Variants in FARP1 observed in about 807,000 individuals in gnomAD.
FARP1 encodes the protein FERM, ARHGEF and pleckstrin domain-containing protein 1.
FARP1 carries 52 observed loss-of-function variants against 128.8 expected under a neutral mutation model. That is an observed-to-expected ratio of 0.40 (90% CI 0.32 to 0.51). The LOEUF is 0.51. FARP1 is among the 20% of genes least tolerant of loss of function. The probability of loss-of-function intolerance (pLI) is 0.45; values close to 1 mark genes in which losing one functional copy is unlikely to be tolerated. For missense variants in FARP1, 1,333 were observed against 1,367.9 expected (o/e 0.97, Z 0.40); for synonymous variants, 580 against 551.8 (o/e 1.05, Z -0.72).
chr13:98,185,660 T>G (rs1290864616), intron 1 of FARP1, among the ~76,000 whole-genome samples: 1 of 139,836 alleles, frequency 7.2e-6, no homozygotes, highest in African/African-American at 2.6e-5. Flanking sequence ...TTTTTTTTTT[T>G]GGCTGTGGTG....
intron 2 of FARP1, among the ~76,000 whole-genome samples, chr13:98,309,292 G>T (rs1477529325): frequency 1.4e-5 from 2 of 146,354 alleles, no homozygotes; most frequent in South Asian, 2.2e-4. Context: ...TCAGCCTCCC[G>T]AGTAGCTGGG....
At chr13:98,290,745 T>C (rs1885410931) in intron 2 of FARP1, among the ~76,000 whole-genome samples, 1 of 152,122 alleles carries the variant, frequency 6.6e-6, no homozygotes, top group Non-Finnish European at 1.5e-5. Context: ...TCCAGCTACA[T>C]TTTGACAGTA....
chr13:98,153,600 G>A (rs1876290422), intron 1 of FARP1, among the ~76,000 whole-genome samples: 1 of 69,392 alleles, frequency 1.4e-5, no homozygotes, highest in Non-Finnish European at 3.9e-5. Flanking sequence ...CTCTTGCTTT[G>A]TTGCTCAGGC....
At chr13:98,366,139 G>C (rs182800886) in intron 4 of FARP1, among the ~76,000 whole-genome samples, 78 of 152,252 alleles carry the variant, frequency 5.1e-4, no homozygotes, top group Non-Finnish European at 1.0e-3. Context: ...AATGTAGTCA[G>C]AGTCTGGACA....
At position 98,237,625 on chromosome 13, in the gene FARP1, T is replaced by A. The variant is rs180942572; in HGVS notation, c.171+24212T>A. 2.0e-3 allele frequency among the ~76,000 whole-genome samples: 304 copies of A among 152,320 alleles called. 1 individual carries two copies. Among genetic ancestry groups the A allele is most frequent in the South Asian group, 4.8e-3 (23 of 4,822 alleles). On this transcript the variant is annotated intron_variant, in intron 2 of 26. Transcript: ENST00000319562. The stretch of plus-strand genomic sequence containing the variant: ...GTTCTTGCGTATTTTTTCATCACAT[T>A]TAGTGCAATACTGTAAACTTTGAAT...
intron 2 of FARP1, among the ~76,000 whole-genome samples, chr13:98,269,141 T>C (rs1360122284): frequency 1.3e-5 from 2 of 152,302 alleles, no homozygotes; most frequent in East Asian, 1.9e-4. Flanking sequence ...ATTAAAATTA[T>C]GGTAAAATGA....
chr13:98,364,951 G>A (rs984093001), intron 3 of FARP1, among the ~76,000 whole-genome samples: 2 of 152,168 alleles, frequency 1.3e-5, no homozygotes, highest in African/African-American at 4.8e-5. Context: ...TGCAGAGGTG[G>A]TGTTCTGTAA....
Position 98,388,447 on chromosome 13 carries a change from G to A in FARP1, c.824G>A (p.Arg275His), listed in dbSNP as rs772094490. ...CGGAAGCTGAGCTTCAAGAGGAAGC[G>A]CTTTCTCATCAAGCTCCGGCCAGAT... ...KVRKLSFKRK[R>H]FLIKLRPDAN... Residue 275 changes from arginine (R) to histidine (H), a missense_variant, in exon 9 of 27, where the codon CGC becomes CAC. This residue lies in a region of FARP1 where 324 missense variants were observed against 398.1 expected (regional missense o/e 0.81). Transcript: ENST00000319562. 3.7e-6 allele frequency: 6 copies of A among 1,613,944 alleles called. No homozygotes were observed. The South Asian group carries it at 4.4e-5, about 12-fold the overall frequency.
intron 26 of FARP1, 91 bp downstream of exon 26, chr13:98,446,908 GCCCCA>G: frequency 7.3e-7 from 1 of 1,376,612 alleles, no homozygotes; most frequent in Non-Finnish European, 1.0e-6. Flanking sequence ...GAGTGAGATG[GCCCCA>G]CCCTTCCCTG....
At chr13:98,338,805 T>C (rs1228819214) in intron 2 of FARP1, 1 of 152,184 alleles carries the variant, frequency 6.6e-6, no homozygotes, top group Non-Finnish European at 1.5e-5. Flanking sequence ...AGAGTGAAGT[T>C]CAAAAACTCA....
At chr13:98,422,289 C>G (rs946677179) in intron 16 of FARP1, among the ~76,000 whole-genome samples, 2 of 150,824 alleles carry the variant, frequency 1.3e-5, no homozygotes, top group Non-Finnish European at 3.0e-5. Flanking sequence ...GAGGTGGGCT[C>G]TGGTGGTTCA....
At chr13:98,344,308 C>T (rs1318130074) in intron 3 of FARP1, among the ~76,000 whole-genome samples, 1 of 152,020 alleles carries the variant, frequency 6.6e-6, no homozygotes, top group African/African-American at 2.4e-5. Context: ...CTGGCAGGAG[C>T]TGGATGGATT....
At chr13:98,317,323 G>A (rs997888202) in intron 2 of FARP1, among the ~76,000 whole-genome samples, 1 of 152,068 alleles carries the variant, frequency 6.6e-6, no homozygotes, top group Non-Finnish European at 1.5e-5. Flanking sequence ...GCAGTGGTAC[G>A]ATCATAGCTT....
At chr13:98,415,632 C>T (rs1321816262) in intron 16 of FARP1, among the ~76,000 whole-genome samples, 1 of 152,230 alleles carries the variant, frequency 6.6e-6, no homozygotes, top group Non-Finnish European at 1.5e-5. Context: ...TGAGGACACA[C>T]ATGTACCATC....
At chr13:98,300,365 G>C (rs1024123012) in intron 2 of FARP1, among the ~76,000 whole-genome samples, 7 of 152,198 alleles carry the variant, frequency 4.6e-5, no homozygotes, top group African/African-American at 1.7e-4. Flanking sequence ...CTCAGCCTTG[G>C]TAGCAGTCAT....
At chr13:98,240,051 G>A (rs563474856) in intron 2 of FARP1, among the ~76,000 whole-genome samples, 1 of 152,248 alleles carries the variant, frequency 6.6e-6, no homozygotes, top group African/African-American at 2.4e-5. Context: ...AGGGGAGGTG[G>A]CTTTAGCTCC....
At chr13:98,275,336 GGAGAGAGA>G (rs58331449) in intron 2 of FARP1, among the ~76,000 whole-genome samples, 61 of 143,642 alleles carry the variant, frequency 4.2e-4, no homozygotes, top group South Asian at 2.7e-3. Context: ...ATGTGGGTAA[GGAGAGAGA>G]GAGAGAGAGA....
intron 2 of FARP1, among the ~76,000 whole-genome samples, chr13:98,339,935 G>C (rs145754569): frequency 1.3e-5 from 2 of 152,010 alleles, no homozygotes; most frequent in Non-Finnish European, 2.9e-5. Context: ...GACTCAACAC[G>C]CCCTCATATT....
In FARP1 at chr13:98,423,924, AC is replaced by A. The variant is rs1891685335; in HGVS notation, c.1827-645del. Among the ~76,000 whole-genome samples the A allele has an allele frequency of 2.6e-5, 4 of 152,106 alleles. No individual in the cohort carries two copies. In the South Asian group the frequency reaches 8.3e-4, roughly 32 times the overall value. ...AGTGCCCACAGCTTTGCTGTCTAGC[AC>A]CCAATATGTCTGGGGGACCATGGCC... On this transcript the variant is annotated intron_variant, in intron 16 of 26. Coordinates refer to ENST00000319562, the MANE Select transcript of FARP1 (RefSeq NM_005766.4).
Sources: allele counts gnomAD v4.1 joint callset (sites outside exome capture counted in the v4.1 genomes callset), GRCh38; gene constraint gnomAD v4.1.1; regional missense constraint gnomAD v4.1.1; transcripts MANE v1.5; gene names NCBI Gene and HGNC (gene_info 2026-07-23, HGNC 2026-07-21).